The following TMOD3 variants were observed in gnomAD, a reference collection of about 807,000 sequenced individuals.
TMOD3 encodes tropomodulin-3.
Under a neutral mutation model 39.2 loss-of-function variants are expected in TMOD3, and 20 were observed. The observed-to-expected ratio is 0.51, with a 90% CI of 0.36 to 0.74. The LOEUF is 0.74. TMOD3 is among the 30% of genes least tolerant of loss of function. The pLI is 0.00. For synonymous variants in TMOD3, 143 were observed against 145.8 expected (o/e 0.98, Z 0.14); for missense variants, 381 against 412.8 (o/e 0.92, Z 0.67).
rs1207967786 is a variant in TMOD3, at chr15:51,914,126, A to G, written c.*5316A>G. On this transcript the variant is annotated 3_prime_UTR_variant, in exon 10 of 10. Coordinates refer to ENST00000308580, the MANE Select transcript of TMOD3 (RefSeq NM_014547.5). The stretch of plus-strand genomic sequence containing the variant: ...ACCATGGACAACATAGCAAGACCCC[A>G]TCTTTACAAAAAATTTAAAAATTAG... The G allele has an allele frequency of 6.6e-6, 1 of 152,310 alleles. No individual in the cohort carries two copies. The highest frequency in any genetic ancestry group is 1.5e-5 in the Non-Finnish European group (1 of 68,390). 9.4% of individuals were successfully genotyped at this position (152,310 alleles called of 1,614,324 possible). A position where few individuals can be genotyped will look rare whatever the true frequency, so the allele number is the denominator to read the frequency against.
intron 5 of TMOD3, among the ~76,000 whole-genome samples, chr15:51,889,489 G>T (rs1282366737): frequency 1.3e-5 from 2 of 152,042 alleles, no homozygotes; most frequent in Non-Finnish European, 2.9e-5. Context: ...TATAAAATCA[G>T]ATTCAGGAGA....
chr15:51,877,415 C>T (rs938666469), intron 3 of TMOD3, among the ~76,000 whole-genome samples: 7 of 152,090 alleles, frequency 4.6e-5, no homozygotes, highest in Admixed American at 6.5e-5. Flanking sequence ...CACGGTGGCT[C>T]ACGCCTGTAA....
At chr15:51,830,699 A>G (rs1028201199) in intron 1 of TMOD3, among the ~76,000 whole-genome samples, 12 of 152,204 alleles carry the variant, frequency 7.9e-5, no homozygotes, top group Non-Finnish European at 1.5e-4. Context: ...CTTGGTTTGT[A>G]ACATTTTCAT....
At chr15:51,852,020 CT>C (rs2056364500) in intron 1 of TMOD3, among the ~76,000 whole-genome samples, 1 of 152,144 alleles carries the variant, frequency 6.6e-6, no homozygotes, top group Non-Finnish European at 1.5e-5. Context: ...AGTTTTCTTC[CT>C]TATAGTACTT....
intron 6 of TMOD3, among the ~76,000 whole-genome samples, chr15:51,895,081 G>A (rs1044626112): frequency 6.6e-6 from 1 of 152,006 alleles, no homozygotes; most frequent in African/African-American, 2.4e-5. Flanking sequence ...TTGAAGTCGA[G>A]GACAAGTGGA....
chr15:51,870,512 C>G (rs2056469761), intron 3 of TMOD3, among the ~76,000 whole-genome samples: 1 of 152,096 alleles, frequency 6.6e-6, no homozygotes, highest in Non-Finnish European at 1.5e-5. Context: ...GAAAGAGGCC[C>G]TTCTCAATCA....
At chr15:51,882,671 C>A (rs1268746577) in intron 3 of TMOD3, among the ~76,000 whole-genome samples, 1 of 152,146 alleles carries the variant, frequency 6.6e-6, no homozygotes, top group Non-Finnish European at 1.5e-5. Flanking sequence ...TTCTATTGAT[C>A]TAAATGTCTT....
At chr15:51,854,968 T>C (rs1373181490) in intron 1 of TMOD3, among the ~76,000 whole-genome samples, 1 of 152,060 alleles carries the variant, frequency 6.6e-6, no homozygotes, top group Non-Finnish European at 1.5e-5. Context: ...AAGTGATAAA[T>C]GAAAAGGAAG....
intron 1 of TMOD3, among the ~76,000 whole-genome samples, chr15:51,851,025 C>T (rs1449691997): frequency 2.0e-5 from 3 of 152,104 alleles, no homozygotes; most frequent in Non-Finnish European, 2.9e-5. Context: ...CGCACTCGGC[C>T]GGAAGAGTTA....
Position 51,912,193 on chromosome 15 carries a change from C to A in TMOD3, c.*3383C>A, listed in dbSNP as rs988912948. On this transcript the variant is annotated 3_prime_UTR_variant, in exon 10 of 10. Coordinates refer to ENST00000308580, the MANE Select transcript of TMOD3 (RefSeq NM_014547.5). The stretch of plus-strand genomic sequence containing the variant: ...CTGTAATCCTAGCACTTTGGGAGGC[C>A]GAGGTGGGCGGATCACCTGAGGTCA... 6.6e-6 allele frequency: 1 copy of A among 151,972 alleles called. No individual in the cohort carries two copies. Among genetic ancestry groups the A allele is most frequent in the African/African-American group, 2.4e-5 (1 of 41,372 alleles). The allele number at this position is 151,972 out of a possible 1,614,324, so 9.4% of individuals were successfully genotyped here.
intron 2 of TMOD3, among the ~76,000 whole-genome samples, chr15:51,868,442 C>T (rs1366159323): frequency 6.6e-6 from 1 of 152,084 alleles, no homozygotes. Context: ...CTACCTCCTC[C>T]CACCCTCCAC....
intron 3 of TMOD3, among the ~76,000 whole-genome samples, chr15:51,871,173 T>C (rs557622393): frequency 1.7e-4 from 26 of 152,324 alleles, no homozygotes; most frequent in South Asian, 1.7e-3. Flanking sequence ...GGTGGGAATG[T>C]CATGTCCCTC....
intron 6 of TMOD3, among the ~76,000 whole-genome samples, chr15:51,895,758 G>A (rs2056617558): frequency 6.6e-6 from 1 of 152,064 alleles, no homozygotes; most frequent in Non-Finnish European, 1.5e-5. Context: ...CATCAGAGAT[G>A]GACTCCTTCA....
intron 9 of TMOD3, among the ~76,000 whole-genome samples, chr15:51,902,642 GTATTTTTTTTTTT>G (rs2056657543): frequency 1.6e-5 from 1 of 63,354 alleles, no homozygotes; most frequent in Admixed American, 1.7e-4. Context: ...GCTAATTTTT[GTATTTTTTTTTTT>G]TTTTTTTTTT....
chr15:51,878,096 C>A (rs1296925987), intron 3 of TMOD3, among the ~76,000 whole-genome samples: 1 of 152,254 alleles, frequency 6.6e-6, no homozygotes, highest in Non-Finnish European at 1.5e-5. Flanking sequence ...ATTCACCAGG[C>A]TCTGCCTGAA....
intron 2 of TMOD3, among the ~76,000 whole-genome samples, chr15:51,866,891 C>T (rs2056449693): frequency 6.6e-6 from 1 of 152,120 alleles, no homozygotes; most frequent in African/African-American, 2.4e-5. Context: ...ATAATCATAC[C>T]ATATTAAAAG....
chr15:51,885,304 GTATT>G (rs1472135120), intron 3 of TMOD3, among the ~76,000 whole-genome samples: 2 of 78,250 alleles, frequency 2.6e-5, no homozygotes, highest in Non-Finnish European at 5.3e-5. Context: ...TTTTTTTTTA[GTATT>G]TATTGATCAT....
intron 1 of TMOD3, among the ~76,000 whole-genome samples, chr15:51,838,502 A>T (rs929281867): frequency 2.6e-5 from 4 of 151,998 alleles, no homozygotes; most frequent in Admixed American, 2.0e-4. Flanking sequence ...CCGTGAAATG[A>T]CCTACCACTG....
chr15:51,890,453 A>G, intron 5 of TMOD3, among the ~76,000 whole-genome samples: 1 of 151,680 alleles, frequency 6.6e-6, no homozygotes, highest in Non-Finnish European at 1.5e-5. Flanking sequence ...CTGGGATTAC[A>G]GGCATGAGCC....
Sources: gnomAD v4.1 joint callset for allele counts (sites outside exome capture counted in the v4.1 genomes callset) on GRCh38, gnomAD v4.1.1 for gene constraint, MANE v1.5 for transcripts, NCBI Gene and HGNC (gene_info 2026-07-23, HGNC 2026-07-21) for gene names.